The following ADAM12 variants were observed in gnomAD, a reference collection of about 807,000 sequenced individuals.
The protein encoded by ADAM12 is disintegrin and metalloproteinase domain-containing protein 12.
In ADAM12, 70 loss-of-function variants were observed where a neutral mutation model predicts 106.4. That is an observed-to-expected ratio of 0.66 (90% CI 0.54 to 0.80). ADAM12 has a LOEUF of 0.80. ADAM12 is among the 30% of genes least tolerant of loss of function. The pLI, the probability that ADAM12 is intolerant of heterozygous loss-of-function variation, is 0.00. For synonymous variants in ADAM12, 420 were observed against 433.5 expected, an observed-to-expected ratio of 0.97 and a Z score of 0.39; for missense variants, 1,010 against 1,171.9, an observed-to-expected ratio of 0.86 and a Z score of 2.02.
intron 14 of ADAM12, among the ~76,000 whole-genome samples, chr10:126,061,374 G>A (rs1215859292): frequency 1.3e-5 from 2 of 152,208 alleles, no homozygotes; most frequent in South Asian, 2.1e-4. Flanking sequence ...TACAGATGAG[G>A]CATAACAAGG....
chr10:126,110,229 C>T (rs1463442672), intron 6 of ADAM12, among the ~76,000 whole-genome samples: 2 of 151,780 alleles, frequency 1.3e-5, no homozygotes, highest in East Asian at 3.9e-4. Context: ...CTCTGATGAC[C>T]ACATTTGAAG....
At chr10:126,194,160 G>C (rs908066201) in intron 3 of ADAM12, among the ~76,000 whole-genome samples, 5 of 151,056 alleles carry the variant, frequency 3.3e-5, no homozygotes, top group African/African-American at 1.2e-4. Flanking sequence ...TAAATACAGC[G>C]TGTTATGTAA....
chr10:126,354,934 G>T (rs551862680), intron 1 of ADAM12, among the ~76,000 whole-genome samples: 1 of 151,998 alleles, frequency 6.6e-6, no homozygotes, highest in Non-Finnish European at 1.5e-5. Flanking sequence ...ATTAAAACTT[G>T]CATTGATCTT....
At chr10:126,302,127 T>C (rs867486536) in intron 2 of ADAM12, among the ~76,000 whole-genome samples, 3 of 152,198 alleles carry the variant, frequency 2.0e-5, no homozygotes, top group Admixed American at 6.5e-5. Flanking sequence ...TTAAATCAAA[T>C]AATCGTTTGG....
At chr10:126,172,844 C>T (rs1565114193) in intron 3 of ADAM12, among the ~76,000 whole-genome samples, 1 of 152,200 alleles carries the variant, frequency 6.6e-6, no homozygotes, top group Non-Finnish European at 1.5e-5. Context: ...ATAGCAAAGA[C>T]TTGGAACCAA....
rs144346066 is a variant in ADAM12 at position 126,149,273 on chromosome 10, G to A, written c.339+5954C>T. 2.0e-5 allele frequency among the ~76,000 whole-genome samples: 3 copies of A among 152,264 alleles called. 1 individual carries two copies. In the East Asian group the frequency reaches 5.8e-4, roughly 29 times the overall value. The stretch of plus-strand genomic sequence containing the variant: ...TCAACGCCCTGGAGCCCTTCCATCC[G>A]GGCTGTTTACTAAGATGCCTGGATA... On this transcript the variant is annotated intron_variant, in intron 4 of 22. Transcript: ENST00000448723.
Position 126,014,456 on chromosome 10 carries a change from G to C in ADAM12, c.*2823C>G, listed in dbSNP as rs1315089964. 1 of 142,052 alleles carries C rather than the reference G, an allele frequency of 7.0e-6. No individual in the cohort carries two copies. The highest frequency in any genetic ancestry group is 2.7e-5 in the African/African-American group (1 of 37,612). The allele number at this position is 142,052 out of a possible 1,614,324, so 8.8% of individuals were successfully genotyped here. Reference sequence around the variant, plus strand: ...CCCCCCGAGACTCGTCAGGAGTATTGACTCTCCTACAGTTTAATTTGCTGC... The same window carrying C: ...CCCCCCGAGACTCGTCAGGAGTATTCACTCTCCTACAGTTTAATTTGCTGC... On this transcript the variant is annotated 3_prime_UTR_variant, in exon 23 of 23. Transcript: ENST00000448723.
At chr10:126,362,344 T>C (rs1855770127) in intron 1 of ADAM12, among the ~76,000 whole-genome samples, 1 of 152,156 alleles carries the variant, frequency 6.6e-6, no homozygotes, top group Non-Finnish European at 1.5e-5. Flanking sequence ...GGTGGAAATG[T>C]AAATTAGTAT....
chr10:126,044,107 G>C (rs1954251681), intron 17 of ADAM12, among the ~76,000 whole-genome samples: 1 of 152,104 alleles, frequency 6.6e-6, no homozygotes, highest in Non-Finnish European at 1.5e-5. Flanking sequence ...TGACCATGAA[G>C]ATGATATATA....
intron 1 of ADAM12, 104 bp downstream of exon 1, chr10:126,387,954 G>T: frequency 8.6e-7 from 1 of 1,161,416 alleles, no homozygotes; most frequent in South Asian, 4.2e-5. Flanking sequence ...GATGCGCCGG[G>T]GCGCGTCGCC....
intron 3 of ADAM12, among the ~76,000 whole-genome samples, chr10:126,243,755 C>T (rs970485198): frequency 2.0e-5 from 3 of 152,162 alleles, no homozygotes. Flanking sequence ...TTTTAGAGAA[C>T]CAGCCAAATG....
intron 5 of ADAM12, among the ~76,000 whole-genome samples, chr10:126,123,877 T>A (rs1168108185): frequency 6.6e-6 from 1 of 152,096 alleles, no homozygotes; most frequent in Non-Finnish European, 1.5e-5. Context: ...CCAGCGGCCT[T>A]CCTTTAACAT....
intron 3 of ADAM12, among the ~76,000 whole-genome samples, chr10:126,257,181 C>T (rs1376713968): frequency 6.6e-6 from 1 of 152,190 alleles, no homozygotes; most frequent in Non-Finnish European, 1.5e-5. Flanking sequence ...CCTACATGTG[C>T]TCTGCAAAAC....
intron 6 of ADAM12, among the ~76,000 whole-genome samples, chr10:126,110,315 T>C (rs1955847147): frequency 6.6e-6 from 1 of 152,110 alleles, no homozygotes; most frequent in African/African-American, 2.4e-5. Flanking sequence ...GTACCTGTTT[T>C]GAGACTTAAG....
intron 2 of ADAM12, among the ~76,000 whole-genome samples, chr10:126,313,307 T>A (rs2133820478): frequency 6.6e-6 from 1 of 152,342 alleles, no homozygotes. Context: ...ATGTCTCCTA[T>A]GACTTAACCT....
chr10:126,374,561 T>C (rs1210329232), intron 1 of ADAM12, among the ~76,000 whole-genome samples: 1 of 152,042 alleles, frequency 6.6e-6, no homozygotes, highest in Admixed American at 6.5e-5. Context: ...AGTAAAGATA[T>C]TGAAAAATGT....
intron 3 of ADAM12, among the ~76,000 whole-genome samples, chr10:126,253,355 G>T (rs147873563): frequency 6.6e-6 from 1 of 152,116 alleles, no homozygotes; most frequent in Admixed American, 6.5e-5. Flanking sequence ...TCATCTGCTC[G>T]CCAATGTGGC....
chr10:126,106,620 G>C (rs79849152), intron 8 of ADAM12, among the ~76,000 whole-genome samples: 1 of 151,788 alleles, frequency 6.6e-6, no homozygotes. Flanking sequence ...CGAGTAGCTG[G>C]GACTACAGGC....
At chr10:126,034,360 T>A (rs960113290) in intron 21 of ADAM12, among the ~76,000 whole-genome samples, 1 of 152,184 alleles carries the variant, frequency 6.6e-6, no homozygotes, top group African/African-American at 2.4e-5. Context: ...TAACAGAGTA[T>A]TCAGTACAAT....
Sources: gnomAD v4.1 joint callset for allele counts (sites outside exome capture counted in the v4.1 genomes callset) on GRCh38, gnomAD v4.1.1 for gene constraint, MANE v1.5 for transcripts, NCBI Gene and HGNC (gene_info 2026-07-23, HGNC 2026-07-21) for gene names.